GNAQ: variants seen among roughly 807,000 people sequenced by gnomAD.
GNAQ encodes guanine nucleotide-binding protein G(q) subunit alpha.
GNAQ carries 8 observed loss-of-function variants against 43.9 expected under a neutral mutation model. The observed-to-expected ratio is 0.18, with a 90% CI of 0.11 to 0.33. The LOEUF is 0.33. GNAQ is among the 10% of genes least tolerant of loss of function. The probability of loss-of-function intolerance (pLI) is 1.00; values close to 1 mark genes in which losing one functional copy is unlikely to be tolerated. For synonymous variants in GNAQ, 155 were observed against 170.7 expected, an observed-to-expected ratio of 0.91 and a Z score of 0.71; for missense variants, 158 against 450.8, an observed-to-expected ratio of 0.35 and a Z score of 5.88.
chr9:77,790,551 T>C (rs2118431015), intron 5 of GNAQ, among the ~76,000 whole-genome samples: 1 of 152,340 alleles, frequency 6.6e-6, no homozygotes, highest in East Asian at 1.9e-4. Flanking sequence ...AAATGACTGG[T>C]AAAGGATCTC....
intron 6 of GNAQ, among the ~76,000 whole-genome samples, chr9:77,725,436 A>C (rs1825382290): frequency 6.6e-6 from 1 of 152,152 alleles, no homozygotes; most frequent in Non-Finnish European, 1.5e-5. Flanking sequence ...CAATTTTTTC[A>C]GTGTTTGCTC....
At chr9:77,797,094 G>A (rs999782704) in intron 4 of GNAQ, among the ~76,000 whole-genome samples, 1 of 151,910 alleles carries the variant, frequency 6.6e-6, no homozygotes, top group Non-Finnish European at 1.5e-5. Context: ...GTGCAGTGGC[G>A]CAATCTCGTC....
intron 1 of GNAQ, among the ~76,000 whole-genome samples, chr9:77,985,398 T>C (rs188351089): frequency 9.5e-4 from 145 of 152,260 alleles, no homozygotes; most frequent in African/African-American, 3.1e-3. Flanking sequence ...TCACATCATA[T>C]AATGGAGGAG....
At position 77,728,665 on chromosome 9, in the gene GNAQ, G is replaced by A. The variant is rs1449750349; in HGVS notation, c.738C>T (p.Asn246=). The A allele has an allele frequency of 2.7e-6, 4 of 1,490,842 alleles. No homozygotes were observed. Among genetic ancestry groups the A allele is most frequent in the Non-Finnish European group, 3.6e-6 (4 of 1,113,620 alleles). 92.4% of individuals were successfully genotyped at this position (1,490,842 alleles called of 1,614,324 possible). The change falls in exon 6 of 7, where the codon AAC becomes AAT. Residue 246 remains asparagine, a splice_region_variant and synonymous_variant. Coordinates refer to ENST00000286548, the MANE Select transcript of GNAQ (RefSeq NM_002072.5). The stretch of plus-strand genomic sequence containing the variant: ...AGAGAGCCTTGCTTTCCTCCATTCG[G>A]TTCTGGAAAAAAAAAAAAAATCAGA... The part of the protein sequence containing the change: ...DQVLVESDNE[N]RMEESKALFR...
At chr9:78,012,728 A>G (rs1257256505) in intron 1 of GNAQ, among the ~76,000 whole-genome samples, 3 of 152,184 alleles carry the variant, frequency 2.0e-5, no homozygotes, top group Non-Finnish European at 1.5e-5. Flanking sequence ...ATATATACAT[A>G]TATGTACACA....
rs144632347 is a variant in GNAQ, at chr9:77,859,122, G to A, written c.322-43352C>T. Among the ~76,000 whole-genome samples the A allele has an allele frequency of 1.3e-4, 20 of 152,252 alleles. 1 individual carries two copies. In the East Asian group the frequency reaches 3.9e-3, roughly 29 times the overall value. Reference sequence around the variant, plus strand: ...ACCCCCAATTTCACATCGCCTGTGGGAGTACCAATACCTGCTCTAAATGCT... The same window carrying A: ...ACCCCCAATTTCACATCGCCTGTGGAAGTACCAATACCTGCTCTAAATGCT... On this transcript the variant is annotated intron_variant, in intron 2 of 6. Transcript: ENST00000286548.
rs1231196746 is a variant in GNAQ at position 77,720,672 on chromosome 9, G to C, written c.*651C>G. 1 of 233,164 alleles carries C rather than the reference G, an allele frequency of 4.3e-6. No individual in the cohort carries two copies. The highest frequency in any genetic ancestry group is 8.5e-6 in the Non-Finnish European group (1 of 117,950). 14.4% of individuals were successfully genotyped at this position (233,164 alleles called of 1,614,324 possible). ...TAAAAGAAATGACACTTAACTTTTA[G>C]ATGGGCATCCACTGTCCCAGTCCAA... On this transcript the variant is annotated 3_prime_UTR_variant, in exon 7 of 7. Transcript: ENST00000286548.
rs533297590 is a variant in GNAQ, at chr9:77,728,446, T to A, written c.889+68A>T. 6.9e-5 allele frequency: 76 copies of A among 1,102,550 alleles called. No homozygotes were observed. In the Middle Eastern group the frequency reaches 1.2e-3, roughly 17 times the overall value. The allele number at this position is 1,102,550 out of a possible 1,614,324, so 68.3% of individuals were successfully genotyped here. A position where few individuals can be genotyped will look rare whatever the true frequency, so the allele number is the denominator to read the frequency against. On this transcript the variant is annotated intron_variant, in intron 6 of 6. Coordinates refer to ENST00000286548, the MANE Select transcript of GNAQ (RefSeq NM_002072.5). Reference sequence around the variant, plus strand: ...CAATGGTGCACTGTAGTGCGTTAACTCCCACACTGGGGTTTGGAGACAAAA... The same window carrying A: ...CAATGGTGCACTGTAGTGCGTTAACACCCACACTGGGGTTTGGAGACAAAA...
chr9:77,882,367 A>G (rs1485296073), intron 2 of GNAQ, among the ~76,000 whole-genome samples: 11 of 152,228 alleles, frequency 7.2e-5, no homozygotes, highest in Admixed American at 7.2e-4. Context: ...AGCTTAAAAA[A>G]ATAAGCCATC....
chr9:77,769,712 TGGAGTGCAGTGGCGCGATCTCC>T (rs1201850274), intron 5 of GNAQ, among the ~76,000 whole-genome samples: 1 of 147,612 alleles, frequency 6.8e-6, no homozygotes, highest in Non-Finnish European at 1.5e-5. Context: ...TCACCCAGGC[TGGAGTGCAGTGGCGCGATCTCC>T]GCTCACTGCA....
chr9:77,864,342 G>C (rs1482922166), intron 2 of GNAQ, among the ~76,000 whole-genome samples: 3 of 152,166 alleles, frequency 2.0e-5, no homozygotes, highest in Non-Finnish European at 4.4e-5. Flanking sequence ...CATGAGACTT[G>C]GCAAGGCCAA....
At chr9:77,873,024 G>T (rs1828066930) in intron 2 of GNAQ, among the ~76,000 whole-genome samples, 2 of 152,234 alleles carry the variant, frequency 1.3e-5, no homozygotes, top group Admixed American at 1.3e-4. Flanking sequence ...GGATTAGCAA[G>T]CGAATTTGTT....
At chr9:77,948,476 C>T (rs578126585) in intron 1 of GNAQ, among the ~76,000 whole-genome samples, 2 of 151,988 alleles carry the variant, frequency 1.3e-5, no homozygotes, top group East Asian at 1.9e-4. Context: ...GGGGACCTAG[C>T]GGTAGGGATG....
chr9:77,759,540 G>A (rs1454999901), intron 5 of GNAQ, among the ~76,000 whole-genome samples: 1 of 152,094 alleles, frequency 6.6e-6, no homozygotes, highest in Non-Finnish European at 1.5e-5. Flanking sequence ...AACAACTACA[G>A]CACGTGACTC....
At chr9:78,008,984 G>A (rs1823741952) in intron 1 of GNAQ, among the ~76,000 whole-genome samples, 1 of 152,138 alleles carries the variant, frequency 6.6e-6, no homozygotes, top group South Asian at 2.1e-4. Context: ...TAAAAATGTG[G>A]GCATACTGTC....
chr9:77,810,207 CATCTATCT>C (rs10578686), intron 3 of GNAQ, among the ~76,000 whole-genome samples: 42,349 of 144,644 alleles, frequency 0.29, 6,274 homozygotes, highest in Non-Finnish European at 0.31. Context: ...AACTGTCAAT[CATCTATCT>C]ATCTATCTAT....
chr9:77,868,096 T>C (rs146748499), intron 2 of GNAQ, among the ~76,000 whole-genome samples: 111 of 152,318 alleles, frequency 7.3e-4, no homozygotes, highest in Middle Eastern at 6.8e-3. Context: ...CAGCATATAC[T>C]GGAATATACT....
At chr9:77,866,373 A>T (rs1827946915) in intron 2 of GNAQ, among the ~76,000 whole-genome samples, 1 of 152,192 alleles carries the variant, frequency 6.6e-6, no homozygotes, top group African/African-American at 2.4e-5. Flanking sequence ...GCTACTTGGG[A>T]GGCTGAGGCA....
intron 2 of GNAQ, among the ~76,000 whole-genome samples, chr9:77,906,485 T>C (rs766719217): frequency 2.6e-5 from 4 of 152,172 alleles, no homozygotes; most frequent in Non-Finnish European, 4.4e-5. Flanking sequence ...AGCAATTCCA[T>C]TGCTAGCAGT....
Sources: gnomAD v4.1 joint callset for allele counts (sites outside exome capture counted in the v4.1 genomes callset) on GRCh38, gnomAD v4.1.1 for gene constraint, MANE v1.5 for transcripts, NCBI Gene and HGNC (gene_info 2026-07-23, HGNC 2026-07-21) for gene names.